Variants in AFG2A observed in about 807,000 individuals in gnomAD.
AFG2A encodes the protein AAA ATPase AFG2A.
the AFG2A span, among the ~76,000 whole-genome samples, chr4:123,067,636 AT>A: frequency 1.3e-5 from 2 of 152,196 alleles, no homozygotes; most frequent in Non-Finnish European, 1.5e-5. Context: ...AAATGAGTAT[AT>A]AAGATGCTGG....
At chr4:123,007,540 ATGTGTATG>A in the AFG2A span, among the ~76,000 whole-genome samples, 1 of 108,334 alleles carries the variant, frequency 9.2e-6, no homozygotes, top group Admixed American at 9.5e-5. Context: ...ATATATATAT[ATGTGTATG>A]TATGTGTGTG....
the AFG2A span, among the ~76,000 whole-genome samples, chr4:123,118,286 AAT>A: frequency 0.16 from 20,350 of 127,502 alleles, 1,949 homozygotes; most frequent in East Asian, 0.47. Context: ...TGCAAATATA[AAT>A]ATATGTTTAT....
chr4:122,956,828 T>C, the AFG2A span, among the ~76,000 whole-genome samples: 1 of 152,232 alleles, frequency 6.6e-6, no homozygotes, highest in Non-Finnish European at 1.5e-5. Context: ...TGTTGTATTA[T>C]GTAGTATCAT....
the AFG2A span, among the ~76,000 whole-genome samples, chr4:123,201,287 G>A: frequency 2.0e-5 from 3 of 152,296 alleles, no homozygotes; most frequent in South Asian, 4.1e-4. Flanking sequence ...GGACGTAAGA[G>A]TCTTTATGGC....
chr4:123,102,522 A>G, the AFG2A span, among the ~76,000 whole-genome samples: 6 of 152,082 alleles, frequency 3.9e-5, no homozygotes, highest in East Asian at 5.8e-4. Context: ...TTTTTTAATG[A>G]ATATGAATGT....
At chr4:123,027,191 G>T in the AFG2A span, among the ~76,000 whole-genome samples, 2 of 152,022 alleles carry the variant, frequency 1.3e-5, no homozygotes, top group South Asian at 4.2e-4. Context: ...TCTTCCAGAA[G>T]GACATTTCAG....
chr4:123,122,893 A>G, the AFG2A span, among the ~76,000 whole-genome samples: 1 of 151,120 alleles, frequency 6.6e-6, no homozygotes, highest in East Asian at 1.9e-4. Flanking sequence ...TGTGCTTTGT[A>G]TTTTAGATTA....
At chr4:123,258,940 C>T in the AFG2A span, among the ~76,000 whole-genome samples, 1 of 146,256 alleles carries the variant, frequency 6.8e-6, no homozygotes, top group African/African-American at 2.5e-5. Context: ...GATCTTGGCT[C>T]ACTGCAACCT....
At chr4:122,972,862 C>T in the AFG2A span, among the ~76,000 whole-genome samples, 1 of 151,886 alleles carries the variant, frequency 6.6e-6, no homozygotes, top group Non-Finnish European at 1.5e-5. Flanking sequence ...GGTAGATATT[C>T]CAGGTATGCT....
At chr4:123,057,312 C>T in the AFG2A span, 1 of 1,583,342 alleles carries the variant, frequency 6.3e-7, no homozygotes, top group Non-Finnish European at 8.7e-7. Context: ...AATAGCACTG[C>T]TATTACATAA....
the AFG2A span, among the ~76,000 whole-genome samples, chr4:122,974,911 A>T: frequency 5.9e-5 from 9 of 152,106 alleles, no homozygotes; most frequent in Non-Finnish European, 1.3e-4. Flanking sequence ...AAGTGGTGGG[A>T]TTACAGGCAT....
At chr4:123,056,480 A>T in the AFG2A span, 151 of 1,574,198 alleles carry the variant, frequency 9.6e-5, no homozygotes, top group Non-Finnish European at 1.3e-4. Flanking sequence ...GCACAGGAGA[A>T]TCACACTTCT....
the AFG2A span, among the ~76,000 whole-genome samples, chr4:123,039,022 G>T: frequency 6.6e-6 from 1 of 151,968 alleles, no homozygotes; most frequent in Non-Finnish European, 1.5e-5. Context: ...TTGATACCAA[G>T]ATATTGACAT....
the AFG2A span, among the ~76,000 whole-genome samples, chr4:123,156,667 G>A: frequency 6.0e-5 from 9 of 149,628 alleles, no homozygotes; most frequent in African/African-American, 2.2e-4. Context: ...CTAATTGCCA[G>A]TATCTCCAGT....
At chr4:123,196,640 T>C in the AFG2A span, among the ~76,000 whole-genome samples, 1 of 152,194 alleles carries the variant, frequency 6.6e-6, no homozygotes, top group Non-Finnish European at 1.5e-5. Flanking sequence ...TCTTGGCTTA[T>C]TTGCATTTGT....
chr4:123,058,341 C>G, the AFG2A span, among the ~76,000 whole-genome samples: 5 of 152,240 alleles, frequency 3.3e-5, no homozygotes, highest in African/African-American at 1.2e-4. Context: ...ACCGTCAGAT[C>G]GGGCTGGGCG....
chr4:123,028,366 G>A, the AFG2A span: 26 of 1,614,026 alleles, frequency 1.6e-5, no homozygotes, highest in Admixed American at 8.3e-5. Context: ...TTTGGCCAAT[G>A]AGAGTGGACT....
chr4:123,038,238 G>A, the AFG2A span, among the ~76,000 whole-genome samples: 1 of 152,050 alleles, frequency 6.6e-6, no homozygotes, highest in East Asian at 1.9e-4. Flanking sequence ...ATTTTTTTCT[G>A]TAAAATTGTA....
the AFG2A span, among the ~76,000 whole-genome samples, chr4:123,180,876 G>A: frequency 6.6e-6 from 1 of 151,258 alleles, no homozygotes; most frequent in African/African-American, 2.4e-5. Flanking sequence ...AACTTTCTCT[G>A]TAAAGGTCTG....
Sources: gnomAD v4.1 joint callset for allele counts (sites outside exome capture counted in the v4.1 genomes callset) on GRCh38, gnomAD v4.1.1 for gene constraint, MANE v1.5 for transcripts, NCBI Gene and HGNC (gene_info 2026-07-23, HGNC 2026-07-21) for gene names.